RABGAP1L: variants seen among roughly 807,000 people sequenced by gnomAD.
RABGAP1L encodes the protein rab GTPase-activating protein 1-like.
Under a neutral mutation model 137.7 loss-of-function variants are expected in RABGAP1L, and 63 were observed. That is an observed-to-expected ratio of 0.46 (90% confidence interval 0.37 to 0.56). The LOEUF (loss-of-function observed/expected upper bound fraction) is 0.56, where lower values mean the gene tolerates loss of function less well. Among genes scored for constraint, RABGAP1L ranks in the 20% least tolerant of loss-of-function variants. The pLI, the probability that RABGAP1L is intolerant of heterozygous loss-of-function variation, is 0.00. For synonymous variants in RABGAP1L, 431 were observed against 433.7 expected, an observed-to-expected ratio of 0.99 and a Z score of 0.08; for missense variants, 1,095 against 1,244.0, an observed-to-expected ratio of 0.88 and a Z score of 1.80.
chr1:174,793,613 C>A (rs1342747136), intron 18 of RABGAP1L, among the ~76,000 whole-genome samples: 1 of 152,110 alleles, frequency 6.6e-6, no homozygotes, highest in Non-Finnish European at 1.5e-5. Flanking sequence ...TTTTAAGTAG[C>A]TTGAATAATC....
intron 17 of RABGAP1L, among the ~76,000 whole-genome samples, chr1:174,738,215 G>A (rs1213275805): frequency 6.6e-6 from 1 of 152,096 alleles, no homozygotes; most frequent in Non-Finnish European, 1.5e-5. Context: ...GCCACAAGGC[G>A]CCTGGGAAAT....
intron 19 of RABGAP1L, among the ~76,000 whole-genome samples, chr1:174,859,482 C>CAAAAAAAAAAAAAAAAAGA (rs35464065): frequency 7.5e-6 from 1 of 133,670 alleles, no homozygotes; most frequent in Non-Finnish European, 1.6e-5. Flanking sequence ...GACTCCATCT[C>CAAAAAAAAAAAAAAAAAGA]AAAAAAAAAG....
In RABGAP1L at chr1:174,536,202, G is replaced by GA. The variant is rs912761768; in HGVS notation, c.1711-101162dup. ...AAAATGAATAATTCCAGTGTCAGGG[G>GA]AAAAAAAAAAACCTCTGGAAATTTA... On this transcript the variant is annotated intron_variant, in intron 13 of 25. Coordinates refer to ENST00000681986, the MANE Select transcript of RABGAP1L (RefSeq NM_001366446.1). Among the ~76,000 whole-genome samples, 174 of 142,022 alleles carry GA rather than the reference G, an allele frequency of 1.2e-3. 1 individual carries two copies. Among genetic ancestry groups the GA allele is most frequent in the South Asian group, 1.1e-3 (5 of 4,504 alleles). 93.2% of individuals were successfully genotyped at this position (142,022 alleles called of 152,430 possible).
At chr1:174,432,151 TATCTTTATGTC>T (rs1217000914) in intron 13 of RABGAP1L, among the ~76,000 whole-genome samples, 1 of 152,202 alleles carries the variant, frequency 6.6e-6, no homozygotes, top group African/African-American at 2.4e-5. Flanking sequence ...CTATTGTTGC[TATCTTTATGTC>T]CATGAGTACC....
At chr1:174,956,976 T>A (rs1389929726) in intron 19 of RABGAP1L, among the ~76,000 whole-genome samples, 1 of 152,162 alleles carries the variant, frequency 6.6e-6, no homozygotes, top group East Asian at 1.9e-4. Context: ...GTAGCTCAAT[T>A]TTTTACTTAT....
chr1:174,512,556 G>C (rs1465961464), intron 13 of RABGAP1L, among the ~76,000 whole-genome samples: 1 of 152,124 alleles, frequency 6.6e-6, no homozygotes, highest in Non-Finnish European at 1.5e-5. Context: ...AAGTAAAGGG[G>C]ACAACTGAAA....
chr1:174,544,632 G>C (rs1012725982), intron 13 of RABGAP1L, among the ~76,000 whole-genome samples: 1 of 152,162 alleles, frequency 6.6e-6, no homozygotes, highest in African/African-American at 2.4e-5. Context: ...ATCCAGCTTT[G>C]TTCTATTGCT....
chr1:174,924,440 A>G (rs1272835027), intron 19 of RABGAP1L, among the ~76,000 whole-genome samples: 2 of 151,938 alleles, frequency 1.3e-5, no homozygotes, highest in African/African-American at 4.8e-5. Context: ...AAATCTAGAA[A>G]AGGGGAAAGA....
At chr1:174,424,602 GAAGAAGGTGCT>G (rs1651736846) in intron 13 of RABGAP1L, among the ~76,000 whole-genome samples, 1 of 152,088 alleles carries the variant, frequency 6.6e-6, no homozygotes, top group African/African-American at 2.4e-5. Flanking sequence ...AAAGGTGCTA[GAAGAAGGTGCT>G]GAGTAATTTT....
At chr1:174,348,513 T>C (rs1682667655) in intron 11 of RABGAP1L, among the ~76,000 whole-genome samples, 1 of 142,900 alleles carries the variant, frequency 7.0e-6, no homozygotes, top group African/African-American at 2.6e-5. Flanking sequence ...CAGAGGGGGA[T>C]TTGGCAGGGT....
intron 13 of RABGAP1L, among the ~76,000 whole-genome samples, chr1:174,621,274 C>T (rs1461285959): frequency 7.2e-5 from 11 of 152,178 alleles, no homozygotes; most frequent in African/African-American, 2.7e-4. Context: ...AATGGCCATA[C>T]TCCCCAAGGT....
chr1:174,193,270 G>A (rs1217978895), intron 1 of RABGAP1L, among the ~76,000 whole-genome samples: 1 of 152,200 alleles, frequency 6.6e-6, no homozygotes, highest in Non-Finnish European at 1.5e-5. Flanking sequence ...GGTGGCTCAC[G>A]CCTGTAATCC....
intron 1 of RABGAP1L, among the ~76,000 whole-genome samples, chr1:174,214,979 G>A (rs891960896): frequency 4.6e-5 from 7 of 151,988 alleles, no homozygotes; most frequent in Non-Finnish European, 8.8e-5. Context: ...AAGCAAAAAT[G>A]GACAAATGGT....
chr1:174,290,764 G>GT (rs202217989), intron 10 of RABGAP1L, among the ~76,000 whole-genome samples: 2,676 of 140,530 alleles, frequency 0.019, 21 homozygotes, highest in Middle Eastern at 0.048. Flanking sequence ...CTTTTTCTTG[G>GT]TTTTTTTTTT....
chr1:174,368,891 AT>A (rs1684865997), intron 11 of RABGAP1L, among the ~76,000 whole-genome samples: 1 of 152,102 alleles, frequency 6.6e-6, no homozygotes, highest in South Asian at 2.1e-4. Context: ...TTATTGTCTA[AT>A]TTTTATTATA....
At chr1:174,393,764 C>A (rs10912777) in intron 12 of RABGAP1L, among the ~76,000 whole-genome samples, 53,506 of 151,916 alleles carry the variant, frequency 0.35, 12,066 homozygotes, top group African/African-American at 0.64. Context: ...AGAAGAAGAA[C>A]AAGCTTTTCC....
rs1385353293 is a variant in RABGAP1L, at chr1:174,305,045, G to A, written c.1383G>A (p.Gln461=). 6.4e-7 allele frequency: 1 copy of A among 1,563,656 alleles called. No homozygotes were observed. Among genetic ancestry groups the A allele is most frequent in the Non-Finnish European group, 8.6e-7 (1 of 1,159,650 alleles). ...GDAIYEVVSL[Q]RESDKEEPVT... is the part of the protein sequence containing the mutation. ...CAATATATGAGGTGGTGAGTCTACAGCGAGAGTCTGACAAGGAGGAACCAG... is the reference window on the plus strand; with the variant it reads ...CAATATATGAGGTGGTGAGTCTACAACGAGAGTCTGACAAGGAGGAACCAG... The change falls in exon 11 of 26, where the codon CAG becomes CAA. Residue 461 remains glutamine (Q), a synonymous_variant. Transcript: ENST00000681986.
chr1:174,562,995 A>C (rs950867765), intron 13 of RABGAP1L, among the ~76,000 whole-genome samples: 1 of 151,786 alleles, frequency 6.6e-6, no homozygotes, highest in Non-Finnish European at 1.5e-5. Context: ...CCAGAACTTA[A>C]AGTATAATAA....
At chr1:174,978,945 A>AC in intron 23 of RABGAP1L, 55 bp downstream of exon 23, 2 of 1,165,378 alleles carry the variant, frequency 1.7e-6, no homozygotes, top group East Asian at 6.8e-5. Context: ...TATAAAAGTA[A>AC]TTTTTTTTTT....
Sources: allele counts gnomAD v4.1 joint callset (sites outside exome capture counted in the v4.1 genomes callset), GRCh38; gene constraint gnomAD v4.1.1; transcripts MANE v1.5; gene names NCBI Gene and HGNC (gene_info 2026-07-23, HGNC 2026-07-21).